The following REV3L variants were observed in gnomAD, a reference collection of about 807,000 sequenced individuals.
REV3L encodes the protein REV3 like, DNA directed polymerase zeta catalytic subunit, also known as DNA polymerase zeta catalytic subunit.
Under a neutral mutation model 299.4 loss-of-function variants are expected in REV3L, and 69 were observed. The observed-to-expected ratio is 0.23, with a 90% CI of 0.19 to 0.28. The LOEUF (loss-of-function observed/expected upper bound fraction) is 0.28, where lower values mean the gene tolerates loss of function less well. REV3L is among the 10% of genes least tolerant of loss of function. The pLI is 1.00. For synonymous variants in REV3L, 1,238 were observed against 1,271.4 expected (o/e 0.97, Z 0.56); for missense variants, 3,128 against 3,693.8 (o/e 0.85, Z 3.97).
rs774764168 is a variant in REV3L at position 111,372,589 on chromosome 6, T to A, written c.5759+7A>T. On this transcript the variant is annotated splice_region_variant and intron_variant, in intron 13 of 31. Transcript: ENST00000368802. Reference sequence around the variant, plus strand: ...AGAGTGACCCAAGGGAAAAAATAACTGATTACCTGGGCTTTTCTGGTACAT... The same window carrying A: ...AGAGTGACCCAAGGGAAAAAATAACAGATTACCTGGGCTTTTCTGGTACAT... 35 of 1,475,430 alleles carry A rather than the reference T, an allele frequency of 2.4e-5. No individual in the cohort carries two copies. Among genetic ancestry groups the A allele is most frequent in the Admixed American group, 7.5e-5 (3 of 39,888 alleles). 91.4% of individuals were successfully genotyped at this position (1,475,430 alleles called of 1,614,324 possible).
intron 1 of REV3L, among the ~76,000 whole-genome samples, chr6:111,471,601 T>C (rs1039962963): frequency 3.3e-5 from 5 of 152,252 alleles, no homozygotes; most frequent in Admixed American, 6.5e-5. Flanking sequence ...CTGGTTATCT[T>C]ATTCAATCAT....
Position 111,390,101 on chromosome 6 carries a change from G to T in REV3L, c.742C>A (p.Arg248Ser). 6.2e-7 allele frequency: 1 copy of T among 1,603,816 alleles called. No individual in the cohort carries two copies. The highest frequency in any genetic ancestry group is 8.5e-7 in the Non-Finnish European group (1 of 1,170,998). Residue 248 changes from arginine to serine, a missense_variant, in exon 6 of 32, where the codon CGT becomes AGT. Transcript: ENST00000368802. ...GTGTATGAACCTTCAATGTCCAGAC[G>T]ATTTAAGATATCAGCAGCTACAGCA... is the stretch of plus-strand genomic sequence containing the variant. ...VDAVAADILN[R>S]LDIEAQIGGN...
chr6:111,450,478 CAAAAAAAA>C lies in REV3L; in HGVS notation c.139+32264_139+32271del, dbSNP rs869119350. 2.8e-3 allele frequency among the ~76,000 whole-genome samples: 152 copies of C among 54,108 alleles called. 1 individual carries two copies. Among genetic ancestry groups the C allele is most frequent in the African/African-American group, 0.016 (143 of 9,130 alleles). The allele number at this position is 54,108 out of a possible 152,430, so 35.5% of individuals were successfully genotyped here. ...CGGGTGACAGAGCAAGACCCTGTCT[CAAAAAAAA>C]AAAAAAAAAAAAAAAAAAAACCAAA... On this transcript the variant is annotated intron_variant, in intron 1 of 31. Transcript: ENST00000368802.
At chr6:111,381,529 A>G in intron 9 of REV3L, 85 bp from the exon 10 acceptor site, 1 of 1,152,098 alleles carries the variant, frequency 8.7e-7, no homozygotes, top group South Asian at 1.5e-5. Flanking sequence ...ATTTGGAAGC[A>G]TTACCATATA....
intron 1 of REV3L, among the ~76,000 whole-genome samples, chr6:111,422,142 A>G (rs1562285456): frequency 1.3e-5 from 2 of 152,226 alleles, no homozygotes; most frequent in Non-Finnish European, 2.9e-5. Flanking sequence ...TATGACTAAC[A>G]ATAGTGAAAA....
chr6:111,373,946 A>G lies in REV3L; in HGVS notation c.4409T>C (p.Ile1470Thr), dbSNP rs774907140. Residue 1470 changes from isoleucine (I) to threonine (T), a missense_variant, in exon 13 of 32, where the codon ATA (isoleucine) becomes ACA (threonine). This residue lies in a region of REV3L where 2,409 missense variants were observed against 2,611.8 expected (regional missense o/e 0.92). Coordinates refer to ENST00000368802, the MANE Select transcript of REV3L (RefSeq NM_001372078.1). ...GCCCCTTTGCTTTTGCTCCCATGCT[A>G]TTTGTTTGATTGGACTTCTCAAGGA... ...VTSLRSPIKQ[I>T]AWEQKQRGFI... 2 of 1,614,068 alleles carry G rather than the reference A, an allele frequency of 1.2e-6. No individual in the cohort carries two copies. Among genetic ancestry groups the G allele is most frequent in the Non-Finnish European group, 1.7e-6 (2 of 1,179,962 alleles).
chr6:111,375,998 T>C lies in REV3L; in HGVS notation c.2357A>G (p.Lys786Arg). ...YEEFQEHKTE[K>R]PSLSQQAAHY... ...TGCTGCTTGCTGGCTGAGGCTTGGC[T>C]TTTCTGTTTTATGTTCTTGAAATTC... The change falls in exon 13 of 32, where the codon AAG becomes AGG. Residue 786 changes from lysine to arginine, a missense_variant. Around this residue, in one of 9 missense-constraint regions of REV3L, gnomAD observed 2,409 missense variants for 2,611.8 expected, o/e 0.92. Transcript: ENST00000368802. 6.2e-7 allele frequency: 1 copy of C among 1,613,882 alleles called. No individual in the cohort carries two copies. Among genetic ancestry groups the C allele is most frequent in the Non-Finnish European group, 8.5e-7 (1 of 1,179,898 alleles).
intron 21 of REV3L, among the ~76,000 whole-genome samples, chr6:111,337,344 T>C (rs1776008717): frequency 6.6e-6 from 1 of 152,162 alleles, no homozygotes. Context: ...AACAGAAATT[T>C]TGTTTCATAA....
intron 2 of REV3L, among the ~76,000 whole-genome samples, chr6:111,413,468 T>A (rs1784455279): frequency 6.6e-6 from 1 of 152,160 alleles, no homozygotes; most frequent in Non-Finnish European, 1.5e-5. Context: ...TCTAAAATCA[T>A]GAGTGAGAAG....
At chr6:111,357,895 C>T (rs1231801337) in intron 17 of REV3L, among the ~76,000 whole-genome samples, 1 of 152,078 alleles carries the variant, frequency 6.6e-6, no homozygotes, top group Non-Finnish European at 1.5e-5. Flanking sequence ...GTAAGGACCC[C>T]TCCCCCACCC....
intron 1 of REV3L, among the ~76,000 whole-genome samples, chr6:111,427,039 C>A (rs575960478): frequency 3.3e-5 from 5 of 149,862 alleles, no homozygotes; most frequent in African/African-American, 1.2e-4. Flanking sequence ...GGTAAATAAA[C>A]CAAAGTCTCA....
Position 111,373,308 on chromosome 6 carries a change from G to C in REV3L, c.5047C>G (p.Gln1683Glu), listed in dbSNP as rs1779985026. The stretch of plus-strand genomic sequence containing the variant: ...ATAGCTTGTCCTGGAAAAAGATCCT[G>C]AACAGCATCACTTAGGAACTTCTGA... ...LPQKFLSDAV[Q>E]DLFPGQAIEK... is the part of the protein sequence containing the mutation. Residue 1683 changes from glutamine (Q) to glutamate (E), a missense_variant, in exon 13 of 32, where the codon CAG (glutamine) becomes GAG (glutamate). Physicochemically the swap from Gln to Glu is conservative, Grantham distance 29. Transcript: ENST00000368802. The C allele has an allele frequency of 1.2e-6, 2 of 1,613,946 alleles. No homozygotes were observed. The highest frequency in any genetic ancestry group is 1.7e-6 in the Non-Finnish European group (2 of 1,179,970).
At chr6:111,356,529 A>G (rs904176548) in intron 18 of REV3L, 1 of 152,212 alleles carries the variant, frequency 6.6e-6, no homozygotes, top group African/African-American at 2.4e-5. Context: ...ATGAACAGAT[A>G]AATTTATACA....
In REV3L at chr6:111,381,409, T is replaced by A. The variant is rs1780816283; in HGVS notation, c.1132A>T (p.Asn378Tyr). 3.7e-6 allele frequency: 6 copies of A among 1,613,270 alleles called. No individual in the cohort carries two copies. The highest frequency in any genetic ancestry group is 5.1e-6 in the Non-Finnish European group (6 of 1,179,632). Residue 378 changes from asparagine (N) to tyrosine (Y), a missense_variant, in exon 10 of 32, where the codon AAT becomes TAT. Asn to Tyr is a moderately radical substitution (Grantham distance 143). Around this residue, in one of 9 missense-constraint regions of REV3L, gnomAD observed 2,409 missense variants for 2,611.8 expected, o/e 0.92. Coordinates refer to ENST00000368802, the MANE Select transcript of REV3L (RefSeq NM_001372078.1). ...TRHKVEEALI[N>Y]EEAILNLMEN... Reference sequence around the variant, plus strand: ...ATAAGGTTCAAAATTGCTTCTTCATTAATAAGAGCTTCTTCCACTTTGTGT... The same window carrying A: ...ATAAGGTTCAAAATTGCTTCTTCATAAATAAGAGCTTCTTCCACTTTGTGT...
chr6:111,395,823 G>A (rs1022891829), intron 4 of REV3L, among the ~76,000 whole-genome samples: 5 of 152,050 alleles, frequency 3.3e-5, no homozygotes, highest in Non-Finnish European at 7.4e-5. Context: ...TTAAATGTGG[G>A]TTTTTCAGAC....
chr6:111,461,869 T>C (rs975410979), intron 1 of REV3L, among the ~76,000 whole-genome samples: 3 of 151,984 alleles, frequency 2.0e-5, no homozygotes, highest in Non-Finnish European at 2.9e-5. Context: ...TAGACTAACA[T>C]AAACCAGATA....
Position 111,313,388 on chromosome 6 carries a change from T to C in REV3L, c.8568A>G (p.Glu2856=). Residue 2856 remains glutamate, a synonymous_variant, in exon 28 of 32, where the codon GAA becomes GAG. Coordinates refer to ENST00000368802, the MANE Select transcript of REV3L (RefSeq NM_001372078.1). Reference sequence around the variant, plus strand: ...CAGGGCAGGAATCTCTTCTGACTGTTTCTATTCCTTTTGCATCAAATACTG... The same window carrying C: ...CAGGGCAGGAATCTCTTCTGACTGTCTCTATTCCTTTTGCATCAAATACTG... ...KDPVFDAKGI[E]TVRRDSCPAV... 2 of 1,613,540 alleles carry C rather than the reference T, an allele frequency of 1.2e-6. No homozygotes were observed. The highest frequency in any genetic ancestry group is 8.5e-7 in the Non-Finnish European group (1 of 1,179,842).
intron 13 of REV3L, among the ~76,000 whole-genome samples, chr6:111,370,049 T>C (rs1779644633): frequency 6.6e-6 from 1 of 152,222 alleles, no homozygotes; most frequent in African/African-American, 2.4e-5. Context: ...GCCAGGATGG[T>C]CTCGATCTCC....
intron 1 of REV3L, among the ~76,000 whole-genome samples, chr6:111,457,088 T>C (rs935946862): frequency 3.3e-5 from 5 of 152,060 alleles, no homozygotes; most frequent in Admixed American, 3.3e-4. Context: ...ACCACTTTCT[T>C]AACATAAATG....
Sources: allele counts gnomAD v4.1 joint callset (sites outside exome capture counted in the v4.1 genomes callset), GRCh38; gene constraint gnomAD v4.1.1; regional missense constraint gnomAD v4.1.1; transcripts MANE v1.5; gene names NCBI Gene and HGNC (gene_info 2026-07-23, HGNC 2026-07-21).